DOCK2: variants seen among roughly 807,000 people sequenced by gnomAD.
DOCK2 encodes dedicator of cytokinesis 2, also known as dedicator of cytokinesis protein 2.
In DOCK2, 87 loss-of-function variants were observed where a neutral mutation model predicts 248.9. The ratio of observed to expected loss-of-function variants is 0.35; its 90% CI spans 0.29 to 0.42. The LOEUF (loss-of-function observed/expected upper bound fraction) is 0.42, where lower values mean the gene tolerates loss of function less well. DOCK2 is among the 10% of genes least tolerant of loss of function. The pLI, the probability that DOCK2 is intolerant of heterozygous loss-of-function variation, is 1.00. For synonymous variants in DOCK2, 805 were observed against 821.6 expected, an observed-to-expected ratio of 0.98 and a Z score of 0.35; for missense variants, 1,747 against 2,300.2, an observed-to-expected ratio of 0.76 and a Z score of 4.92.
At chr5:169,973,358 A>C (rs987447603) in intron 27 of DOCK2, among the ~76,000 whole-genome samples, 9 of 152,162 alleles carry the variant, frequency 5.9e-5, no homozygotes, top group African/African-American at 2.2e-4. Context: ...CTGATCACAG[A>C]CTGTTCCTGG....
intron 22 of DOCK2, among the ~76,000 whole-genome samples, chr5:169,725,468 G>A (rs1762418437): frequency 6.6e-6 from 1 of 151,512 alleles, no homozygotes; most frequent in Non-Finnish European, 1.5e-5. Context: ...GCATATGCAT[G>A]AGCTGTTTTT....
intron 42 of DOCK2, chr5:170,056,414 A>G: frequency 3.1e-6 from 1 of 327,502 alleles, no homozygotes; most frequent in South Asian, 8.3e-5. Flanking sequence ...CATCAATGTT[A>G]GAATTCCAAT....
intron 29 of DOCK2, among the ~76,000 whole-genome samples, chr5:169,990,314 G>A (rs964191582): frequency 2.6e-5 from 4 of 152,128 alleles, no homozygotes; most frequent in Non-Finnish European, 5.9e-5. Flanking sequence ...GGCCAGGCTA[G>A]TCTCGAACTC....
chr5:169,991,959 G>T (rs1778220746), intron 29 of DOCK2, among the ~76,000 whole-genome samples: 1 of 152,220 alleles, frequency 6.6e-6, no homozygotes, highest in Non-Finnish European at 1.5e-5. Flanking sequence ...CAGGCCATAT[G>T]AATTATGGCA....
intron 25 of DOCK2, among the ~76,000 whole-genome samples, chr5:169,785,973 A>G (rs780545588): frequency 2.6e-5 from 4 of 152,222 alleles, no homozygotes; most frequent in Non-Finnish European, 5.9e-5. Context: ...GAGATTTTAC[A>G]AAGTGACTGG....
At chr5:169,954,335 C>A (rs1211431840) in intron 27 of DOCK2, among the ~76,000 whole-genome samples, 6 of 152,168 alleles carry the variant, frequency 3.9e-5, no homozygotes, top group Non-Finnish European at 8.8e-5. Flanking sequence ...TCAAACTTAA[C>A]AATTAATGAT....
chr5:169,888,301 T>C (rs765044655), intron 27 of DOCK2, among the ~76,000 whole-genome samples: 12 of 152,278 alleles, frequency 7.9e-5, no homozygotes, highest in Middle Eastern at 3.4e-3. Flanking sequence ...TCCCTAGGCA[T>C]TGGTGGTTAG....
chr5:169,779,005 G>T (rs1765541872), intron 25 of DOCK2, among the ~76,000 whole-genome samples: 1 of 152,184 alleles, frequency 6.6e-6, no homozygotes, highest in South Asian at 2.1e-4. Context: ...TCTGATGAGG[G>T]ATGTTGATAG....
chr5:170,036,611 T>A (rs1756332513), intron 36 of DOCK2, 56 bp downstream of exon 36: 10 of 1,556,988 alleles, frequency 6.4e-6, no homozygotes, highest in Non-Finnish European at 7.0e-6. Flanking sequence ...CTGCTCAGTA[T>A]CCATCGATGG....
intron 27 of DOCK2, among the ~76,000 whole-genome samples, chr5:169,879,631 T>C (rs1410163401): frequency 2.0e-5 from 3 of 152,208 alleles, no homozygotes; most frequent in Non-Finnish European, 4.4e-5. Flanking sequence ...TGGAGATGTT[T>C]GAATTAAGTG....
At chr5:169,810,971 ACTCTCTCTCT>A (rs372931658) in intron 26 of DOCK2, among the ~76,000 whole-genome samples, 2 of 145,824 alleles carry the variant, frequency 1.4e-5, no homozygotes, top group African/African-American at 5.2e-5. Context: ...ACACACACAG[ACTCTCTCTCT>A]CTCTCTCTCA....
At chr5:169,747,277 G>T in intron 22 of DOCK2, 119 bp from the exon 23 acceptor site, 1 of 811,192 alleles carries the variant, frequency 1.2e-6, no homozygotes, top group Non-Finnish European at 1.9e-6. Flanking sequence ...TCTCCTCCTT[G>T]AAGTCCCCAC....
At chr5:169,844,151 T>G (rs1770163986) in intron 27 of DOCK2, among the ~76,000 whole-genome samples, 1 of 152,188 alleles carries the variant, frequency 6.6e-6, no homozygotes, top group East Asian at 1.9e-4. Flanking sequence ...GTAGCCATAA[T>G]GAGAAAAACC....
At position 169,893,479 on chromosome 5, in the gene DOCK2, CT is replaced by C. The variant is rs200833735; in HGVS notation, c.2799+52641del. Among the ~76,000 whole-genome samples the C allele has an allele frequency of 5.7e-3, 819 of 142,974 alleles. 7 individuals carry two copies. Among genetic ancestry groups the C allele is most frequent in the African/African-American group, 0.016 (606 of 38,814 alleles). 93.8% of individuals were successfully genotyped at this position (142,974 alleles called of 152,430 possible). On this transcript the variant is annotated intron_variant, in intron 27 of 51. Coordinates refer to ENST00000520908, the MANE Select transcript of DOCK2 (RefSeq NM_004946.3). ...ACATAACTGGGGACATTTTCTTACC[CT>C]TTTTTTTTTTTTTAGGTCATACCAC...
intron 27 of DOCK2, among the ~76,000 whole-genome samples, chr5:169,911,397 G>A (rs1160601768): frequency 1.3e-5 from 2 of 152,156 alleles, no homozygotes; most frequent in East Asian, 1.9e-4. Flanking sequence ...AGAGCCAGTG[G>A]AGCTTTTAGA....
intron 27 of DOCK2, among the ~76,000 whole-genome samples, chr5:169,967,272 A>C (rs1332728592): frequency 6.6e-6 from 1 of 152,220 alleles, no homozygotes; most frequent in Admixed American, 6.5e-5. Flanking sequence ...GCCTTTCCAG[A>C]TGAAGTGATT....
chr5:169,699,398 G>T lies in DOCK2; in HGVS notation c.1072G>T (p.Asp358Tyr). The T allele has an allele frequency of 6.2e-7, 1 of 1,613,220 alleles. No homozygotes were observed. The highest frequency in any genetic ancestry group is 1.1e-5 in the South Asian group (1 of 90,930). ...CCTTTCCAGGGTTACAGCTGAGAAT[G>T]ACTTCCTACACAGCCTGCTGGGCAA... ...IPFHPVTAEN[D>Y]FLHSLLGKVI... is the part of the protein sequence containing the mutation. The change falls in exon 12 of 52, where the codon GAC (aspartate) becomes TAC (tyrosine). Residue 358 changes from aspartate to tyrosine, a missense_variant. By Grantham distance (160) the Asp-to-Tyr change is radical. Coordinates refer to ENST00000520908, the MANE Select transcript of DOCK2 (RefSeq NM_004946.3).
chr5:170,041,562 A>G (rs1289890829), intron 37 of DOCK2, among the ~76,000 whole-genome samples: 1 of 152,214 alleles, frequency 6.6e-6, no homozygotes, highest in Non-Finnish European at 1.5e-5. Context: ...CAACACACAG[A>G]GAGCCAATAA....
chr5:170,029,839 G>A (rs1473092070), intron 34 of DOCK2, among the ~76,000 whole-genome samples: 5 of 152,176 alleles, frequency 3.3e-5, no homozygotes, highest in Non-Finnish European at 7.4e-5. Context: ...CCCCTACAAT[G>A]AGCCTCTCGA....
Sources: gnomAD v4.1 joint callset for allele counts (sites outside exome capture counted in the v4.1 genomes callset) on GRCh38, gnomAD v4.1.1 for gene constraint, MANE v1.5 for transcripts, NCBI Gene and HGNC (gene_info 2026-07-23, HGNC 2026-07-21) for gene names.